PARD3B: variants seen among roughly 807,000 people sequenced by gnomAD.
PARD3B encodes the protein par-3 family cell polarity regulator beta, also known as partitioning defective 3 homolog B.
Under a neutral mutation model 130.2 loss-of-function variants are expected in PARD3B, and 103 were observed. The ratio of observed to expected loss-of-function variants is 0.79; its 90% CI spans 0.67 to 0.93. The LOEUF (loss-of-function observed/expected upper bound fraction) is 0.93, where lower values mean the gene tolerates loss of function less well. Among genes scored for constraint, PARD3B ranks in the 40% least tolerant of loss-of-function variants. PARD3B has a pLI of 0.00. For missense variants in PARD3B, 1,609 were observed against 1,499.2 expected, an observed-to-expected ratio of 1.07 and a Z score of -1.21; for synonymous variants, 583 against 553.2, an observed-to-expected ratio of 1.05 and a Z score of -0.76.
intron 4 of PARD3B, among the ~76,000 whole-genome samples, chr2:205,096,407 T>C (rs1702402725): frequency 6.6e-6 from 1 of 152,200 alleles, no homozygotes; most frequent in African/African-American, 2.4e-5. Flanking sequence ...AATTTATTTT[T>C]ATTAAACCTA....
At chr2:205,192,061 G>A (rs1559527287) in intron 14 of PARD3B, among the ~76,000 whole-genome samples, 7 of 152,166 alleles carry the variant, frequency 4.6e-5, no homozygotes, top group Non-Finnish European at 1.5e-5. Flanking sequence ...TATAAAAAGG[G>A]AGGTTCATTT....
chr2:205,264,922 T>G lies in PARD3B; in HGVS notation c.2185+19100T>G, dbSNP rs139581832. On this transcript the variant is annotated intron_variant, in intron 16 of 22. Coordinates refer to ENST00000406610, the MANE Select transcript of PARD3B (RefSeq NM_001302769.2). ...CAAAAAGTGACTTCATTTTATCTAT[T>G]GTAAACTGGTGATTCCTGTTTATGT... Among the ~76,000 whole-genome samples, 3 of 151,330 alleles carry G rather than the reference T, an allele frequency of 2.0e-5. No individual in the cohort carries two copies. In the East Asian group the frequency reaches 5.8e-4, roughly 29 times the overall value.
chr2:204,764,485 A>G (rs1425459525), intron 2 of PARD3B, among the ~76,000 whole-genome samples: 1 of 152,050 alleles, frequency 6.6e-6, no homozygotes, highest in African/African-American at 2.4e-5. Context: ...TTTTGTTTGA[A>G]AGAATTTTAC....
chr2:204,756,153 A>G (rs962104012), intron 2 of PARD3B, among the ~76,000 whole-genome samples: 4 of 152,130 alleles, frequency 2.6e-5, no homozygotes, highest in African/African-American at 4.8e-5. Context: ...AATACAATAC[A>G]GCTTTCTCCC....
intron 3 of PARD3B, among the ~76,000 whole-genome samples, chr2:205,006,198 T>G (rs1459372599): frequency 6.6e-6 from 1 of 152,226 alleles, no homozygotes; most frequent in Non-Finnish European, 1.5e-5. Flanking sequence ...CACATTGTTT[T>G]TATCCACTCA....
chr2:204,894,278 C>T (rs985792065), intron 2 of PARD3B, among the ~76,000 whole-genome samples: 1 of 151,880 alleles, frequency 6.6e-6, no homozygotes, highest in Non-Finnish European at 1.5e-5. Context: ...AATGGAATTG[C>T]ATTTTTGCAA....
chr2:204,632,595 T>C (rs1016960165), intron 1 of PARD3B, among the ~76,000 whole-genome samples: 1 of 152,196 alleles, frequency 6.6e-6, no homozygotes, highest in Non-Finnish European at 1.5e-5. Context: ...GCCTGGGTTT[T>C]GCCAGTACCT....
intron 2 of PARD3B, among the ~76,000 whole-genome samples, chr2:204,918,501 G>C (rs1378850471): frequency 1.3e-5 from 2 of 150,936 alleles, no homozygotes; most frequent in African/African-American, 4.9e-5. Context: ...GTAGTGGCGG[G>C]CGCCTGTAGT....
At chr2:204,749,709 G>A (rs555347421) in intron 2 of PARD3B, among the ~76,000 whole-genome samples, 1 of 152,126 alleles carries the variant, frequency 6.6e-6, no homozygotes, top group African/African-American at 2.4e-5. Flanking sequence ...GCATTTACTG[G>A]GTAAAAACAT....
rs1331921616 is a variant in PARD3B, at chr2:204,967,368, G to A, written c.394+2045G>A. On this transcript the variant is annotated intron_variant, in intron 3 of 22. Coordinates refer to ENST00000406610, the MANE Select transcript of PARD3B (RefSeq NM_001302769.2). This position sits in a 1 kb window ranked among gnomAD's most constrained non-coding sequence, Gnocchi z 4.4. ...TGCCATCAATTAGACTATTGCAGAG[G>A]CCTCAGACTGACCTCTTTCTTTACA... 6.6e-6 allele frequency among the ~76,000 whole-genome samples: 1 copy of A among 152,146 alleles called. No individual in the cohort carries two copies. The highest frequency in any genetic ancestry group is 1.5e-5 in the Non-Finnish European group (1 of 68,028).
intron 2 of PARD3B, among the ~76,000 whole-genome samples, chr2:204,724,560 A>T (rs1253872484): frequency 1.3e-5 from 2 of 152,164 alleles, no homozygotes; most frequent in Non-Finnish European, 2.9e-5. Context: ...GTGGGTAGTT[A>T]AAAATTCTCT....
At chr2:205,391,877 A>G (rs1450884100) in intron 18 of PARD3B, among the ~76,000 whole-genome samples, 1 of 151,910 alleles carries the variant, frequency 6.6e-6, no homozygotes, top group Non-Finnish European at 1.5e-5. Context: ...TCCCCCTAAC[A>G]GAGTGCTGCT....
At chr2:204,643,124 A>AAAAAAAAAAAAAAAAAAAAAAAC (rs2035147926) in intron 1 of PARD3B, among the ~76,000 whole-genome samples, 1 of 142,292 alleles carries the variant, frequency 7.0e-6, no homozygotes, top group Non-Finnish European at 1.5e-5. Context: ...ACAAAAAAAA[A>AAAAAAAAAAAAAAAAAAAAAAAC]AAAAAAAAAA....
intron 2 of PARD3B, among the ~76,000 whole-genome samples, chr2:204,924,665 G>T (rs1488389719): frequency 5.3e-5 from 8 of 151,982 alleles, no homozygotes; most frequent in Non-Finnish European, 1.2e-4. Flanking sequence ...TAGAAATGCT[G>T]AATATTAGAA....
intron 2 of PARD3B, among the ~76,000 whole-genome samples, chr2:204,853,017 T>C (rs1445951146): frequency 6.6e-6 from 1 of 152,188 alleles, no homozygotes; most frequent in Non-Finnish European, 1.5e-5. Flanking sequence ...TAAAGTTCAT[T>C]GGATTGTTTA....
chr2:204,867,493 C>T lies in PARD3B; in HGVS notation c.223-97659C>T, dbSNP rs189228110. Among the ~76,000 whole-genome samples the T allele has an allele frequency of 3.3e-5, 5 of 152,294 alleles. No individual in the cohort carries two copies. In the East Asian group the frequency reaches 9.6e-4, roughly 29 times the overall value. On this transcript the variant is annotated intron_variant, in intron 2 of 22. Coordinates refer to ENST00000406610, the MANE Select transcript of PARD3B (RefSeq NM_001302769.2). Reference sequence around the variant, plus strand: ...AAAACATGACTGCATCATCCCCGAGCACCATTACAACATGCTTAATGGGCT... The same window carrying T: ...AAAACATGACTGCATCATCCCCGAGTACCATTACAACATGCTTAATGGGCT...
At chr2:204,850,962 G>C (rs933201711) in intron 2 of PARD3B, among the ~76,000 whole-genome samples, 6 of 152,180 alleles carry the variant, frequency 3.9e-5, no homozygotes, top group African/African-American at 1.2e-4. Flanking sequence ...GACTGTAGAA[G>C]TACAGTCTTT....
intron 3 of PARD3B, among the ~76,000 whole-genome samples, chr2:205,037,221 A>G (rs1262972081): frequency 7.1e-6 from 1 of 141,454 alleles, no homozygotes; most frequent in Non-Finnish European, 1.5e-5. Context: ...ATATAAAAAT[A>G]TGTATATAGT....
At chr2:204,935,326 A>G (rs191429007) in intron 2 of PARD3B, among the ~76,000 whole-genome samples, 10,244 of 149,978 alleles carry the variant, frequency 0.068, 445 homozygotes, top group South Asian at 0.1. Flanking sequence ...TCAGGAGATC[A>G]AGACCATCCT....
Sources: allele counts gnomAD v4.1 joint callset (sites outside exome capture counted in the v4.1 genomes callset), GRCh38; gene constraint gnomAD v4.1.1; non-coding constraint Gnocchi (gnomAD v3.1); transcripts MANE v1.5; gene names NCBI Gene and HGNC (gene_info 2026-07-23, HGNC 2026-07-21).